Variants in SCHIP1 observed in about 807,000 individuals in gnomAD.
SCHIP1 encodes schwannomin-interacting protein 1.
A neutral mutation model predicts 29.7 loss-of-function variants in SCHIP1; 8 were observed. The observed-to-expected ratio is 0.27, with a 90% CI of 0.16 to 0.49. SCHIP1 has a LOEUF of 0.49. Among genes scored for constraint, SCHIP1 ranks in the 20% least tolerant of loss-of-function variants. The pLI is 0.99. For synonymous variants in SCHIP1, 76 were observed against 94.9 expected (o/e 0.80, Z 1.16); for missense variants, 193 against 294.6 (o/e 0.66, Z 2.52).
chr3:159,352,580 G>A, the SCHIP1 span, among the ~76,000 whole-genome samples: 1 of 151,762 alleles, frequency 6.6e-6, no homozygotes, highest in South Asian at 2.1e-4. Flanking sequence ...TGTGCGTGAT[G>A]GAATTTTATT....
chr3:159,334,711 A>G, the SCHIP1 span, among the ~76,000 whole-genome samples: 3 of 152,262 alleles, frequency 2.0e-5, no homozygotes, highest in African/African-American at 7.2e-5. Flanking sequence ...TGTTGCATAC[A>G]CCAATTGTTT....
chr3:159,668,817 C>A, the SCHIP1 span, among the ~76,000 whole-genome samples: 1 of 152,152 alleles, frequency 6.6e-6, no homozygotes, highest in East Asian at 1.9e-4. Flanking sequence ...TCACTTCATG[C>A]CATTAGACTT....
At chr3:159,801,873 T>C in the SCHIP1 span, among the ~76,000 whole-genome samples, 4 of 152,144 alleles carry the variant, frequency 2.6e-5, no homozygotes, top group Non-Finnish European at 4.4e-5. Flanking sequence ...ACAAAAGAAC[T>C]TGATGCAGCC....
chr3:159,397,695 C>T, the SCHIP1 span, among the ~76,000 whole-genome samples: 1 of 152,232 alleles, frequency 6.6e-6, no homozygotes. Context: ...TCTCCAGCTG[C>T]ATGCTGGGAG....
chr3:159,641,706 T>C, the SCHIP1 span, among the ~76,000 whole-genome samples: 3 of 152,178 alleles, frequency 2.0e-5, no homozygotes, highest in Non-Finnish European at 4.4e-5. Flanking sequence ...GGGTGGCACA[T>C]GTGCAGTTTA....
the SCHIP1 span, among the ~76,000 whole-genome samples, chr3:159,517,901 A>G: frequency 1.7e-4 from 26 of 152,138 alleles, no homozygotes; most frequent in Non-Finnish European, 1.5e-5. Flanking sequence ...GTAGCTATCA[A>G]TGCACTTTTT....
the SCHIP1 span, among the ~76,000 whole-genome samples, chr3:159,762,335 C>G: frequency 6.6e-6 from 1 of 152,326 alleles, no homozygotes; most frequent in Non-Finnish European, 1.5e-5. Context: ...CCTTCCCTGG[C>G]TCAGGTCTAC....
the SCHIP1 span, among the ~76,000 whole-genome samples, chr3:159,609,273 G>C: frequency 6.6e-6 from 1 of 152,144 alleles, no homozygotes; most frequent in Non-Finnish European, 1.5e-5. Flanking sequence ...GCACACGTGT[G>C]CAAAGGAACT....
intron 1 of SCHIP1, among the ~76,000 whole-genome samples, chr3:159,858,927 G>A (rs576212191): frequency 7.2e-5 from 11 of 152,314 alleles, no homozygotes; most frequent in Admixed American, 2.0e-4. Flanking sequence ...ACAGCATTTC[G>A]GGAAACCTGT....
At chr3:159,312,473 G>A in the SCHIP1 span, among the ~76,000 whole-genome samples, 112 of 152,238 alleles carry the variant, frequency 7.4e-4, 1 homozygote, top group East Asian at 0.017. Flanking sequence ...TGCCAATTTC[G>A]CAAGTGACGT....
the SCHIP1 span, among the ~76,000 whole-genome samples, chr3:159,447,914 G>T: frequency 6.6e-6 from 1 of 152,150 alleles, no homozygotes; most frequent in African/African-American, 2.4e-5. Flanking sequence ...GGGCTATAAG[G>T]TTACCCGTCC....
chr3:159,280,384 T>C, the SCHIP1 span, among the ~76,000 whole-genome samples: 2 of 152,318 alleles, frequency 1.3e-5, no homozygotes, highest in South Asian at 4.1e-4. Context: ...CTAGCTGAGC[T>C]TTTCAGGTCC....
At chr3:159,439,662 G>T in the SCHIP1 span, among the ~76,000 whole-genome samples, 26 of 152,196 alleles carry the variant, frequency 1.7e-4, no homozygotes, top group Non-Finnish European at 2.6e-4. Flanking sequence ...TCATATATTT[G>T]TTGGCCACAT....
the SCHIP1 span, among the ~76,000 whole-genome samples, chr3:159,812,444 T>C: frequency 1.3e-5 from 2 of 152,172 alleles, no homozygotes; most frequent in Non-Finnish European, 2.9e-5. Context: ...ATAAATGATA[T>C]TTCTATGTTA....
At chr3:159,385,095 A>C in the SCHIP1 span, among the ~76,000 whole-genome samples, 1 of 152,166 alleles carries the variant, frequency 6.6e-6, no homozygotes, top group Non-Finnish European at 1.5e-5. Context: ...CTTTTTAATC[A>C]GAAATAGAGA....
chr3:159,491,175 G>A, the SCHIP1 span, among the ~76,000 whole-genome samples: 643 of 152,322 alleles, frequency 4.2e-3, 8 homozygotes, highest in African/African-American at 0.015. Flanking sequence ...CTCCCAGCAT[G>A]AGTGACACAG....
the SCHIP1 span, chr3:159,765,194 A>G: frequency 6.7e-7 from 1 of 1,482,170 alleles, no homozygotes; most frequent in Non-Finnish European, 9.0e-7. Flanking sequence ...CACCCCGCGC[A>G]CAGCCCGCAC....
chr3:159,812,261 G>A, the SCHIP1 span, among the ~76,000 whole-genome samples: 11 of 152,106 alleles, frequency 7.2e-5, no homozygotes, highest in East Asian at 1.3e-3. Flanking sequence ...GTGAGCCATC[G>A]CGCCCGGCCT....
chr3:159,413,312 G>A, the SCHIP1 span, among the ~76,000 whole-genome samples: 1 of 152,206 alleles, frequency 6.6e-6, no homozygotes, highest in South Asian at 2.1e-4. Flanking sequence ...GCAGGGCTAA[G>A]CAGAGCTATC....
Sources: allele counts gnomAD v4.1 joint callset (sites outside exome capture counted in the v4.1 genomes callset), GRCh38; gene constraint gnomAD v4.1.1; transcripts MANE v1.5; gene names NCBI Gene and HGNC (gene_info 2026-07-23, HGNC 2026-07-21).